The following SUMF1 variants were observed in gnomAD, a reference collection of about 807,000 sequenced individuals.
The protein encoded by SUMF1 is sulfatase modifying factor 1.
Under a neutral mutation model 47.6 loss-of-function variants are expected in SUMF1, and 48 were observed. The ratio of observed to expected loss-of-function variants is 1.01; its 90% confidence interval spans 0.80 to 1.28. The LOEUF (loss-of-function observed/expected upper bound fraction) is 1.28. Ranked by LOEUF, SUMF1 falls within the 50% of genes most tolerant of loss-of-function variation. The probability of loss-of-function intolerance (pLI) is 0.00; values close to 1 mark genes in which losing one functional copy is unlikely to be tolerated. For synonymous variants in SUMF1, 230 were observed against 192.1 expected (o/e 1.20, Z -1.63); for missense variants, 571 against 485.4 (o/e 1.18, Z -1.66).
At chr3:4,228,513 G>A (rs912008818) in intron 8 of SUMF1, among the ~76,000 whole-genome samples, 10 of 152,130 alleles carry the variant, frequency 6.6e-5, no homozygotes, top group Admixed American at 5.9e-4. Flanking sequence ...AACCAACTCT[G>A]ACTAATAGCA....
rs774460267 is a variant in SUMF1, at chr3:4,362,241, C to G, written c.1028G>C (p.Arg343Thr). ...SYMCHRSYCYRYRCAARSQNT... is the reference protein window; with the variant it reads ...SYMCHRSYCYTYRCAARSQNT... ...CTGGCTCCGAGCAGCACAGCGATAC[C>G]TGTAACAATAAGACTGTGTAGAGAG... Residue 343 changes from arginine to threonine, a missense_variant, in exon 9 of 9, where the codon AGG becomes ACG. Arg to Thr is a moderately conservative substitution (Grantham distance 71). Transcript: ENST00000272902. The G allele has an allele frequency of 2.5e-6, 4 of 1,614,106 alleles. No homozygotes were observed.
chr3:4,123,633 G>A (rs1310476365), intron 8 of SUMF1, among the ~76,000 whole-genome samples: 1 of 152,140 alleles, frequency 6.6e-6, no homozygotes, highest in Non-Finnish European at 1.5e-5. Context: ...GCAGAACTAG[G>A]AAAGTAGCAC....
At chr3:4,370,262 G>T (rs1700129560) in intron 8 of SUMF1, among the ~76,000 whole-genome samples, 1 of 152,180 alleles carries the variant, frequency 6.6e-6, no homozygotes, top group Admixed American at 6.5e-5. Context: ...TGATGTCTTT[G>T]GGGTAACTGG....
chr3:4,076,525 A>C (rs897523415), intron 8 of SUMF1, among the ~76,000 whole-genome samples: 1 of 152,184 alleles, frequency 6.6e-6, no homozygotes, highest in Non-Finnish European at 1.5e-5. Flanking sequence ...GCTTCTGCAC[A>C]GCAAATGAAA....
chr3:4,167,607 A>T (rs1157884960), intron 8 of SUMF1, among the ~76,000 whole-genome samples: 1 of 152,088 alleles, frequency 6.6e-6, no homozygotes, highest in African/African-American at 2.4e-5. Context: ...TGATTGGTGC[A>T]TTTTACAATC....
intron 8 of SUMF1, among the ~76,000 whole-genome samples, chr3:4,190,340 T>C (rs1017566137): frequency 1.3e-5 from 2 of 152,116 alleles, no homozygotes; most frequent in African/African-American, 4.8e-5. Context: ...GACAGCAACG[T>C]GTCTGTAGGC....
At chr3:4,157,937 C>T (rs1187404929) in intron 8 of SUMF1, among the ~76,000 whole-genome samples, 1 of 151,634 alleles carries the variant, frequency 6.6e-6, no homozygotes, top group Non-Finnish European at 1.5e-5. Context: ...TTTTCAGTCT[C>T]TGGGTCTGGC....
chr3:4,436,851 TA>T (rs763624100), intron 3 of SUMF1, among the ~76,000 whole-genome samples: 9 of 64,272 alleles, frequency 1.4e-4, no homozygotes, highest in African/African-American at 2.8e-4. Flanking sequence ...CTGCATCACC[TA>T]AAAAAAAAAA....
At chr3:4,253,297 C>T (rs1037179149) in intron 8 of SUMF1, among the ~76,000 whole-genome samples, 14 of 152,136 alleles carry the variant, frequency 9.2e-5, no homozygotes, top group Non-Finnish European at 1.9e-4. Flanking sequence ...GTCTACAGCT[C>T]CCAGCGTGAG....
chr3:4,070,299 G>A (rs1273085507), intron 8 of SUMF1, among the ~76,000 whole-genome samples: 1 of 152,082 alleles, frequency 6.6e-6, no homozygotes, highest in African/African-American at 2.4e-5. Flanking sequence ...CCTTCTGAAG[G>A]CTGTTTCACA....
intron 8 of SUMF1, among the ~76,000 whole-genome samples, chr3:4,330,853 C>A (rs184697458): frequency 9.8e-5 from 15 of 152,318 alleles, no homozygotes; most frequent in South Asian, 4.1e-4. Flanking sequence ...CCATCTCAAT[C>A]TCAATCAGTT....
intron 3 of SUMF1, among the ~76,000 whole-genome samples, chr3:4,447,940 A>T (rs952658542): frequency 1.3e-5 from 2 of 152,164 alleles, no homozygotes. Context: ...AAATAAGCGC[A>T]AACGCCCACC....
chr3:4,222,157 T>C (rs1433785650), intron 8 of SUMF1, among the ~76,000 whole-genome samples: 1 of 152,020 alleles, frequency 6.6e-6, no homozygotes, highest in Non-Finnish European at 1.5e-5. Flanking sequence ...CTAGTAGCAG[T>C]TATCTTTGGT....
chr3:4,457,120 T>C (rs1196636268), intron 1 of SUMF1, among the ~76,000 whole-genome samples: 1 of 144,838 alleles, frequency 6.9e-6, no homozygotes, highest in African/African-American at 2.6e-5. Context: ...TTTGTTTTTT[T>C]TAGTAGAGAC....
intron 8 of SUMF1, among the ~76,000 whole-genome samples, chr3:4,350,538 G>C (rs147342357): frequency 2.6e-5 from 4 of 152,058 alleles, no homozygotes; most frequent in Non-Finnish European, 5.9e-5. Flanking sequence ...AGAATGAGGA[G>C]CTTCTATACA....
intron 1 of SUMF1, among the ~76,000 whole-genome samples, chr3:4,456,745 C>CGTGTAT (rs1240573357): frequency 4.8e-4 from 6 of 12,630 alleles, no homozygotes; most frequent in African/African-American, 2.0e-3. Context: ...TATATACACA[C>CGTGTAT]ATATATACGT....
chr3:4,115,453 T>C (rs2125073384), intron 8 of SUMF1, among the ~76,000 whole-genome samples: 1 of 152,220 alleles, frequency 6.6e-6, no homozygotes, highest in South Asian at 2.1e-4. Context: ...AGCCTGAGGA[T>C]GGCTAAACTG....
chr3:4,056,738 ATTT>A lies in SUMF1; in HGVS notation c.1191+11828_1191+11830del, dbSNP rs563250268. ...TTTCTTTCTTACTATGTGATCCATA[ATTT>A]TTTTTATTTATTTTTTTTGAGATGG... On this transcript the variant is annotated intron_variant and NMD_transcript_variant, in intron 9 of 12. Coordinates refer to the SUMF1 transcript ENST00000448413. Among the ~76,000 whole-genome samples the A allele has an allele frequency of 9.9e-5, 15 of 151,856 alleles. No individual in the cohort carries two copies. In the East Asian group the frequency reaches 2.9e-3, roughly 29 times the overall value.
At chr3:4,200,559 G>T (rs1695519164) in intron 8 of SUMF1, among the ~76,000 whole-genome samples, 1 of 152,194 alleles carries the variant, frequency 6.6e-6, no homozygotes, top group East Asian at 1.9e-4. Context: ...CAAACTTAGA[G>T]TTACACCATG....
Sources: gnomAD v4.1 joint callset for allele counts (sites outside exome capture counted in the v4.1 genomes callset) on GRCh38, gnomAD v4.1.1 for gene constraint, MANE v1.5 for transcripts, NCBI Gene and HGNC (gene_info 2026-07-23, HGNC 2026-07-21) for gene names.